Variants in CASP4 observed in about 807,000 individuals in gnomAD.
CASP4 encodes the protein caspase 4.
A neutral mutation model predicts 41.3 loss-of-function variants in CASP4; 29 were observed. The ratio of observed to expected loss-of-function variants is 0.70; its 90% CI spans 0.52 to 0.96. CASP4 has a LOEUF of 0.96. CASP4 is among the 40% of genes least tolerant of loss of function. The pLI is 0.00. For missense variants in CASP4, 447 were observed against 460.6 expected (o/e 0.97, Z 0.27); for synonymous variants, 185 against 158.4 (o/e 1.17, Z -1.26).
chr11:104,950,937 A>G lies in CASP4; in HGVS notation c.534T>C (p.Asn178=), dbSNP rs746979456. 6.2e-7 allele frequency: 1 copy of G among 1,611,524 alleles called. No homozygotes were observed. Among genetic ancestry groups the G allele is most frequent in the East Asian group, 2.2e-5 (1 of 44,820 alleles). Reference sequence around the variant, plus strand: ...GAGGGATTCTTACCCTGGCTGTCAGATTCTCTTCTACATCTACACTATAGT... The same window carrying G: ...GAGGGATTCTTACCCTGGCTGTCAGGTTCTCTTCTACATCTACACTATAGT... ...GLDYSVDVEE[N]LTARDMESAL... The change falls in exon 4 of 9, where the codon AAT becomes AAC. Residue 178 remains asparagine, a synonymous_variant. Transcript: ENST00000444739.
intron 3 of CASP4, chr11:104,951,396 G>A (rs561196859): frequency 7.3e-6 from 2 of 272,952 alleles, no homozygotes; most frequent in South Asian, 7.5e-5. Context: ...CATACAAAAC[G>A]AGATGTTGTC....
intron 2 of CASP4, among the ~76,000 whole-genome samples, chr11:104,952,811 T>C (rs1203739324): frequency 6.6e-6 from 1 of 152,228 alleles, no homozygotes; most frequent in Non-Finnish European, 1.5e-5. Context: ...TCTGGAGATG[T>C]AACAAGTTGT....
chr11:104,950,821 CA>C lies in CASP4; in HGVS notation c.546+103del, dbSNP rs1439922512. 20 of 1,020,630 alleles carry C rather than the reference CA, an allele frequency of 2.0e-5. No individual in the cohort carries two copies. In the African/African-American group the frequency reaches 2.6e-4, roughly 13 times the overall value. 63.2% of individuals were successfully genotyped at this position (1,020,630 alleles called of 1,614,324 possible). On this transcript the variant is annotated intron_variant, in intron 4 of 8. Coordinates refer to ENST00000444739, the MANE Select transcript of CASP4 (RefSeq NM_001225.4). ...ATACACACACACACACACACACACA[CA>C]CCCAAAGGTTGTTAAACCTTGTTGA... is the stretch of plus-strand genomic sequence containing the variant.
At chr11:104,954,579 T>C (rs973757262) in intron 2 of CASP4, among the ~76,000 whole-genome samples, 168 bp downstream of exon 2, 1 of 152,102 alleles carries the variant, frequency 6.6e-6, no homozygotes, top group African/African-American at 2.4e-5. Context: ...TAAACTGGAT[T>C]CCACCCCACA....
intron 4 of CASP4, 53 bp from the exon 5 acceptor site, chr11:104,949,830 G>T: frequency 6.5e-7 from 1 of 1,548,540 alleles, no homozygotes. Flanking sequence ...AATTAAAGGG[G>T]ACTCCTAGAT....
At chr11:104,955,093 C>G in intron 1 of CASP4, 92 bp from the exon 2 acceptor site, 1 of 1,240,926 alleles carries the variant, frequency 8.1e-7, no homozygotes, top group South Asian at 1.5e-5. Context: ...TGAAATACTT[C>G]TGAAAGTATG....
chr11:104,943,445 C>T (rs890363938), intron 8 of CASP4: 2 of 156,670 alleles, frequency 1.3e-5, no homozygotes, highest in Admixed American at 1.3e-4. Flanking sequence ...CCAACTCTGT[C>T]CATTCTTTGT....
intron 1 of CASP4, among the ~76,000 whole-genome samples, chr11:104,968,154 G>A (rs1333866752): frequency 6.6e-6 from 1 of 152,116 alleles, no homozygotes; most frequent in Non-Finnish European, 1.5e-5. Context: ...CTGATTCTGC[G>A]AAAAAGGTTT....
rs780450697 is a variant in CASP4 at position 104,952,009 on chromosome 11, C to T, written c.263-4G>A. 1.7e-5 allele frequency: 27 copies of T among 1,553,232 alleles called. No homozygotes were observed. The highest frequency in any genetic ancestry group is 2.0e-5 in the Non-Finnish European group (22 of 1,126,280). ...CCAGCCTCCATATTCGGATGAGCTG[C>T]AGGATATTGCAGAACATAAATTGTG... On this transcript the variant is annotated splice_region_variant and splice_polypyrimidine_tract_variant and intron_variant, in intron 2 of 8. Transcript: ENST00000444739.
chr11:104,951,825 A>G (rs1446204011), intron 3 of CASP4, 71 bp downstream of exon 3: 12 of 990,506 alleles, frequency 1.2e-5, no homozygotes, highest in South Asian at 1.2e-4. Context: ...TAGTGCTGTA[A>G]GAAATGGTGC....
rs72978947 is a variant in CASP4, at chr11:104,944,518, C to T, written c.*5+230G>A. 3.5e-5 allele frequency: 16 copies of T among 453,584 alleles called. No individual in the cohort carries two copies. The Admixed American group carries it at 3.9e-4, about 11-fold the overall frequency. 28.1% of individuals were successfully genotyped at this position (453,584 alleles called of 1,614,324 possible). ...GGTTTTTCATCATCACATTCTGCTGCGGTTTTCCTTACCTCCTTGATTGAT... is the reference window on the plus strand; with the variant it reads ...GGTTTTTCATCATCACATTCTGCTGTGGTTTTCCTTACCTCCTTGATTGAT... On this transcript the variant is annotated intron_variant, in intron 8 of 8. Coordinates refer to ENST00000444739, the MANE Select transcript of CASP4 (RefSeq NM_001225.4).
In CASP4 at chr11:104,954,760, G is replaced by T; in HGVS notation, c.249C>A (p.Ser83=). ...LQTFFNIDQI[S]PNKKAHPNME... ...ATCCAGTCTTACCTTTTTTATTGGG[G>T]GATATTTGGTCTATGTTAAAAAAGG... Residue 83 remains serine (S), a synonymous_variant, in exon 2 of 9, where the codon TCC becomes TCA. Transcript: ENST00000444739. The T allele has an allele frequency of 6.2e-7, 1 of 1,611,458 alleles. No homozygotes were observed. The highest frequency in any genetic ancestry group is 8.5e-7 in the Non-Finnish European group (1 of 1,179,132).
At chr11:104,943,316 C>T (rs1860369988) in intron 8 of CASP4, 1 of 250,774 alleles carries the variant, frequency 4.0e-6, no homozygotes, top group Admixed American at 5.1e-5. Flanking sequence ...CTCTTTTGGT[C>T]ACACTGTCTC....
chr11:104,965,844 C>T (rs1466046001), intron 1 of CASP4, among the ~76,000 whole-genome samples: 1 of 152,144 alleles, frequency 6.6e-6, no homozygotes, highest in Non-Finnish European at 1.5e-5. Context: ...CTAATATCAG[C>T]ACTTAAGATA....
Position 104,950,830 on chromosome 11 carries a change from G to A in CASP4, c.546+95C>T, listed in dbSNP as rs1860592202. ...CACACACACACACACACACCCAAAG[G>A]TTGTTAAACCTTGTTGAGCTCTTTG... On this transcript the variant is annotated intron_variant, in intron 4 of 8. Coordinates refer to ENST00000444739, the MANE Select transcript of CASP4 (RefSeq NM_001225.4). The A allele has an allele frequency of 1.2e-5, 7 of 607,490 alleles. No homozygotes were observed. In the East Asian group the frequency reaches 2.4e-4, roughly 21 times the overall value. The allele number at this position is 607,490 out of a possible 1,614,324, so 37.6% of individuals were successfully genotyped here.
At chr11:104,952,419 G>A (rs921240005) in intron 2 of CASP4, among the ~76,000 whole-genome samples, 1 of 152,058 alleles carries the variant, frequency 6.6e-6, no homozygotes, top group African/African-American at 2.4e-5. Context: ...TGTGTTCCAT[G>A]TCCAATATTT....
chr11:104,966,352 C>T (rs1229077142), intron 1 of CASP4, among the ~76,000 whole-genome samples: 3 of 152,202 alleles, frequency 2.0e-5, no homozygotes, highest in African/African-American at 4.8e-5. Context: ...ATTCTTGAAA[C>T]TTACTCTGCT....
In CASP4 at chr11:104,954,728, GT is replaced by G. The variant is rs1565366884; in HGVS notation, c.262+18del. On this transcript the variant is annotated intron_variant, in intron 2 of 8. Coordinates refer to ENST00000444739, the MANE Select transcript of CASP4 (RefSeq NM_001225.4). The stretch of plus-strand genomic sequence containing the variant: ...TTTAGGGAAAATTGAGACATTCATT[GT>G]AAAAAATCCAGTCTTACCTTTTTTA... 6.2e-7 allele frequency: 1 copy of G among 1,608,328 alleles called. No individual in the cohort carries two copies. The highest frequency in any genetic ancestry group is 8.5e-7 in the Non-Finnish European group (1 of 1,176,604).
chr11:104,950,805 C>CACACAT (rs1343229991), intron 4 of CASP4, 120 bp downstream of exon 4: 3 of 767,604 alleles, frequency 3.9e-6, no homozygotes, highest in African/African-American at 1.8e-5. Context: ...TATACACACA[C>CACACAT]ACACACACAC....
Sources: allele counts gnomAD v4.1 joint callset (sites outside exome capture counted in the v4.1 genomes callset), GRCh38; gene constraint gnomAD v4.1.1; transcripts MANE v1.5; gene names NCBI Gene and HGNC (gene_info 2026-07-23, HGNC 2026-07-21).